Variants in TRAPPC8 observed in about 807,000 individuals in gnomAD.
The protein encoded by TRAPPC8 is general sporulation gene 1 homolog.
In TRAPPC8, 54 loss-of-function variants were observed where a neutral mutation model predicts 174.3. That is an observed-to-expected ratio of 0.31 (90% confidence interval 0.25 to 0.39). TRAPPC8 has a LOEUF of 0.39. Among genes scored for constraint, TRAPPC8 ranks in the 10% least tolerant of loss-of-function variants. The pLI, the probability that TRAPPC8 is intolerant of heterozygous loss-of-function variation, is 1.00. For synonymous variants in TRAPPC8, 630 were observed against 579.9 expected (o/e 1.09, Z -1.24); for missense variants, 1,531 against 1,699.1 (o/e 0.90, Z 1.74).
In TRAPPC8 at chr18:31,866,945, C is replaced by T; in HGVS notation, c.2494G>A (p.Gly832Arg). Reference sequence around the variant, plus strand: ...ACAACTCCCAGAATATGCAGCTCCCCTATGTGATGGGGAAAGAGCTTTAGT... The same window carrying T: ...ACAACTCCCAGAATATGCAGCTCCCTTATGTGATGGGGAAAGAGCTTTAGT... ...ARLKLFPHHI[G>R]ELHILGVVYN... Residue 832 changes from glycine to arginine, a missense_variant, in exon 18 of 29, where the codon GGG (glycine) becomes AGG (arginine). Physicochemically the swap from Gly to Arg is moderately radical, Grantham distance 125. Transcript: ENST00000283351. 6.2e-7 allele frequency: 1 copy of T among 1,613,618 alleles called. No individual in the cohort carries two copies. The highest frequency in any genetic ancestry group is 8.5e-7 in the Non-Finnish European group (1 of 1,179,748).
At chr18:31,916,846 C>A (rs374478154) in intron 3 of TRAPPC8, among the ~76,000 whole-genome samples, 448 of 126,812 alleles carry the variant, frequency 3.5e-3, no homozygotes, top group Admixed American at 4.4e-3. Context: ...ATTTTCACAG[C>A]AAAAAAAAAA....
At chr18:31,936,744 A>C (rs1043502984) in intron 1 of TRAPPC8, among the ~76,000 whole-genome samples, 3 of 151,620 alleles carry the variant, frequency 2.0e-5, no homozygotes, top group East Asian at 3.9e-4. Flanking sequence ...TCTACTAACA[A>C]CACGAAAATT....
chr18:31,921,971 T>C (rs2037409993), intron 2 of TRAPPC8, among the ~76,000 whole-genome samples: 1 of 152,176 alleles, frequency 6.6e-6, no homozygotes, highest in Non-Finnish European at 1.5e-5. Flanking sequence ...ATTACATGAG[T>C]GCTTCTGCCT....
At chr18:31,917,758 T>C (rs2037210815) in intron 2 of TRAPPC8, 91 bp from the exon 3 acceptor site, 1 of 1,041,706 alleles carries the variant, frequency 9.6e-7, no homozygotes, top group Non-Finnish European at 1.4e-6. Flanking sequence ...CTAAAAGGTA[T>C]AAAAAAAAAA....
intron 12 of TRAPPC8, among the ~76,000 whole-genome samples, chr18:31,876,360 G>A (rs2035141605): frequency 6.6e-6 from 1 of 151,382 alleles, no homozygotes; most frequent in Admixed American, 6.6e-5. Flanking sequence ...CATGGTGGCG[G>A]GCGCCTGAAG....
At chr18:31,875,411 AGCCTGCCTGCCT>A (rs140528791) in intron 12 of TRAPPC8, among the ~76,000 whole-genome samples, 1 of 151,394 alleles carries the variant, frequency 6.6e-6, no homozygotes, top group Non-Finnish European at 1.5e-5. Context: ...TGCTGATCCC[AGCCTGCCTGCCT>A]GCCTGCCTGC....
At chr18:31,876,563 G>C (rs1042980312) in intron 12 of TRAPPC8, among the ~76,000 whole-genome samples, 13 of 145,096 alleles carry the variant, frequency 9.0e-5, no homozygotes, top group Admixed American at 1.4e-4. Context: ...TCCTCAGAAA[G>C]ATCAAAGTAA....
At chr18:31,930,177 T>C (rs1568150103) in intron 2 of TRAPPC8, among the ~76,000 whole-genome samples, 7 of 151,956 alleles carry the variant, frequency 4.6e-5, no homozygotes. Context: ...TGGAGTGCCA[T>C]GGTGCCATCT....
At chr18:31,844,248 C>T (rs989297411) in intron 26 of TRAPPC8, 4 of 151,982 alleles carry the variant, frequency 2.6e-5, no homozygotes, top group African/African-American at 9.7e-5. Context: ...TAAAAGAAGC[C>T]GAGGTATATA....
At position 31,829,960 on chromosome 18, in the gene TRAPPC8, T is replaced by C. The variant is rs1002310257; in HGVS notation, c.*795A>G. 1 of 152,662 alleles carries C rather than the reference T, an allele frequency of 6.6e-6. No homozygotes were observed. Among genetic ancestry groups the C allele is most frequent in the Non-Finnish European group, 1.5e-5 (1 of 68,040 alleles). 9.5% of individuals were successfully genotyped at this position (152,662 alleles called of 1,614,324 possible). ...CGCTATACAGTGAATAGCATGTCTT[T>C]ATTCTATTTACAGTATATTTGTTAT... On this transcript the variant is annotated 3_prime_UTR_variant, in exon 29 of 29. Coordinates refer to ENST00000283351, the MANE Select transcript of TRAPPC8 (RefSeq NM_014939.5).
Position 31,907,685 on chromosome 18 carries a change from C to A in TRAPPC8, c.1239-75G>T, listed in dbSNP as rs1443216354. The A allele has an allele frequency of 4.9e-6, 6 of 1,235,002 alleles. No homozygotes were observed. The East Asian group carries it at 8.0e-5, about 17-fold the overall frequency. 76.5% of individuals were successfully genotyped at this position (1,235,002 alleles called of 1,614,324 possible). A position where few individuals can be genotyped will look rare whatever the true frequency, so the allele number is the denominator to read the frequency against. Reference sequence around the variant, plus strand: ...TAAAATTATAAAATACATTAACAAGCTGCCATGTTCTTCTAGAATATGAAG... The same window carrying A: ...TAAAATTATAAAATACATTAACAAGATGCCATGTTCTTCTAGAATATGAAG... On this transcript the variant is annotated intron_variant, in intron 8 of 28. Coordinates refer to ENST00000283351, the MANE Select transcript of TRAPPC8 (RefSeq NM_014939.5).
chr18:31,890,295 T>C (rs542121031), intron 12 of TRAPPC8, among the ~76,000 whole-genome samples: 1 of 152,306 alleles, frequency 6.6e-6, no homozygotes, highest in South Asian at 2.1e-4. Context: ...AGACAGAAGA[T>C]GTCTATACAT....
chr18:31,904,358 T>A (rs2036572206), intron 9 of TRAPPC8, among the ~76,000 whole-genome samples: 1 of 152,178 alleles, frequency 6.6e-6, no homozygotes. Context: ...GAGACCAGCC[T>A]GACCAACATG....
chr18:31,940,787 G>C (rs982439900), intron 1 of TRAPPC8, among the ~76,000 whole-genome samples: 1 of 152,020 alleles, frequency 6.6e-6, no homozygotes, highest in African/African-American at 2.4e-5. Context: ...GTGAGCCACC[G>C]CGCCCGGCCG....
chr18:31,919,261 G>A (rs1242697620), intron 2 of TRAPPC8, among the ~76,000 whole-genome samples: 7 of 152,144 alleles, frequency 4.6e-5, no homozygotes, highest in South Asian at 4.1e-4. Context: ...GGCTGGGTGC[G>A]GTGGCTCACG....
intron 9 of TRAPPC8, among the ~76,000 whole-genome samples, chr18:31,905,117 C>T (rs2036602509): frequency 6.6e-6 from 1 of 151,460 alleles, no homozygotes; most frequent in African/African-American, 2.4e-5. Flanking sequence ...GACTAAATAT[C>T]TTCTATAATT....
chr18:31,923,861 A>G (rs2037493473), intron 2 of TRAPPC8, among the ~76,000 whole-genome samples: 1 of 152,158 alleles, frequency 6.6e-6, no homozygotes. Context: ...TCTAAAAATA[A>G]TAAGGCCGGG....
At chr18:31,843,886 T>C (rs2144994897) in intron 26 of TRAPPC8, among the ~76,000 whole-genome samples, 1 of 152,350 alleles carries the variant, frequency 6.6e-6, no homozygotes, top group South Asian at 2.1e-4. Flanking sequence ...ATTATAGCTG[T>C]ACTTATTTCA....
At chr18:31,925,887 T>C (rs536231630) in intron 2 of TRAPPC8, among the ~76,000 whole-genome samples, 2 of 152,290 alleles carry the variant, frequency 1.3e-5, no homozygotes, top group African/African-American at 4.8e-5. Context: ...GTATATAAAA[T>C]AAGAACATTT....
Sources: gnomAD v4.1 joint callset for allele counts (sites outside exome capture counted in the v4.1 genomes callset) on GRCh38, gnomAD v4.1.1 for gene constraint, MANE v1.5 for transcripts, NCBI Gene and HGNC (gene_info 2026-07-23, HGNC 2026-07-21) for gene names.